Variants in INPP5A observed in about 807,000 individuals in gnomAD.
The protein encoded by INPP5A is inositol polyphosphate-5-phosphatase A.
In INPP5A, 14 loss-of-function variants were observed where a neutral mutation model predicts 65.2. The ratio of observed to expected loss-of-function variants is 0.21; its 90% CI spans 0.14 to 0.34. The LOEUF (loss-of-function observed/expected upper bound fraction) is 0.34, where lower values mean the gene tolerates loss of function less well. INPP5A is among the 10% of genes least tolerant of loss of function. The probability of loss-of-function intolerance (pLI) is 1.00; values close to 1 mark genes in which losing one functional copy is unlikely to be tolerated. For missense variants in INPP5A, 431 were observed against 545.6 expected (o/e 0.79, Z 2.09); for synonymous variants, 207 against 208.3 (o/e 0.99, Z 0.05).
At chr10:132,559,141 C>T (rs947346470) in intron 1 of INPP5A, among the ~76,000 whole-genome samples, 4 of 152,190 alleles carry the variant, frequency 2.6e-5, no homozygotes, top group Non-Finnish European at 4.4e-5. Flanking sequence ...CACACACAGA[C>T]GTGGTGGTGT....
chr10:132,680,732 GC>G (rs1231789286), intron 4 of INPP5A, among the ~76,000 whole-genome samples: 1 of 152,250 alleles, frequency 6.6e-6, no homozygotes, highest in East Asian at 1.9e-4. Context: ...GTGGGCGTGG[GC>G]TTGGCGGGCC....
Position 132,603,012 on chromosome 10 carries a change from C to T in INPP5A, c.76-4903C>T, listed in dbSNP as rs1238047370. ...TCTGAATCTATCTGGAGTTTAGTTT[C>T]TTTGTGGAATAAAGAAAGGATCTAA... On this transcript the variant is annotated intron_variant, in intron 1 of 15. Coordinates refer to ENST00000368594, the MANE Select transcript of INPP5A (RefSeq NM_005539.5). This position sits in a 1 kb window ranked among gnomAD's most constrained non-coding sequence, Gnocchi z 4.2. 1.3e-5 allele frequency among the ~76,000 whole-genome samples: 2 copies of T among 152,126 alleles called. No individual in the cohort carries two copies. Among genetic ancestry groups the T allele is most frequent in the Non-Finnish European group, 2.9e-5 (2 of 68,008 alleles).
rs1000187212 is a variant in INPP5A at position 132,678,388 on chromosome 10, A to G, written c.307-12004A>G. 2.0e-5 allele frequency among the ~76,000 whole-genome samples: 3 copies of G among 152,102 alleles called. No homozygotes were observed. The highest frequency in any genetic ancestry group is 1.3e-4 in the Admixed American group (2 of 15,268). On this transcript the variant is annotated intron_variant, in intron 4 of 15. Coordinates refer to ENST00000368594, the MANE Select transcript of INPP5A (RefSeq NM_005539.5). The surrounding 1 kb of genome is among the most constrained non-coding windows in gnomAD (Gnocchi z 4.1). ...TGACTGTTATTATAACTTTGCTTTG[A>G]TTTATTACTCAATCTGTTAAATTGT... is the stretch of plus-strand genomic sequence containing the variant.
Position 132,637,637 on chromosome 10 carries a change from G to A in INPP5A, c.118-8231G>A, listed in dbSNP as rs779086320. ...GTTTCCTTCCAGTGACTCTCCTGGC[G>A]CCTGCTGTGGCTGTCCTCCTCTGTC... On this transcript the variant is annotated intron_variant, in intron 2 of 15. Transcript: ENST00000368594. The surrounding 1 kb of genome is among the most constrained non-coding windows in gnomAD (Gnocchi z 4.1). Among the ~76,000 whole-genome samples, 7 of 152,050 alleles carry A rather than the reference G, an allele frequency of 4.6e-5. No homozygotes were observed. Among genetic ancestry groups the A allele is most frequent in the Admixed American group, 2.0e-4 (3 of 15,270 alleles).
intron 1 of INPP5A, among the ~76,000 whole-genome samples, chr10:132,580,228 A>C (rs572069450): frequency 6.6e-6 from 1 of 152,110 alleles, no homozygotes; most frequent in African/African-American, 2.4e-5. Context: ...TCTCACGTCA[A>C]ATTGTAACCC....
intron 6 of INPP5A, among the ~76,000 whole-genome samples, chr10:132,701,250 C>G (rs562232409): frequency 3.9e-5 from 6 of 152,134 alleles, no homozygotes; most frequent in Non-Finnish European, 8.8e-5. Flanking sequence ...AAGGATGTAC[C>G]CCCACCCCCA....
At chr10:132,760,513 C>T (rs529343457) in intron 11 of INPP5A, among the ~76,000 whole-genome samples, 32 of 152,368 alleles carry the variant, frequency 2.1e-4, no homozygotes, top group Non-Finnish European at 3.8e-4. Flanking sequence ...TGTGAAAGCT[C>T]TGGGGTCACT....
chr10:132,703,241 C>G (rs891282247), intron 6 of INPP5A, among the ~76,000 whole-genome samples: 1 of 152,124 alleles, frequency 6.6e-6, no homozygotes, highest in Non-Finnish European at 1.5e-5. Flanking sequence ...CTGGCGAGGA[C>G]ATGGATCTGG....
In INPP5A at chr10:132,748,014, C is replaced by T. The variant is rs970479417; in HGVS notation, c.733-1503C>T. ...AAAACGAGCCTTGATCACGCCACTGCGCTCTGGCCTGGATGACAGATCAAG... is the reference window on the plus strand; with the variant it reads ...AAAACGAGCCTTGATCACGCCACTGTGCTCTGGCCTGGATGACAGATCAAG... On this transcript the variant is annotated intron_variant, in intron 9 of 15. Coordinates refer to ENST00000368594, the MANE Select transcript of INPP5A (RefSeq NM_005539.5). 2.6e-5 allele frequency among the ~76,000 whole-genome samples: 4 copies of T among 152,148 alleles called. No individual in the cohort carries two copies. In the East Asian group the frequency reaches 5.8e-4, roughly 22 times the overall value.
intron 1 of INPP5A, among the ~76,000 whole-genome samples, chr10:132,566,896 G>A (rs2071281090): frequency 6.6e-6 from 1 of 152,216 alleles, no homozygotes; most frequent in African/African-American, 2.4e-5. Flanking sequence ...GACGTTACTT[G>A]CAAATATGAT....
intron 2 of INPP5A, among the ~76,000 whole-genome samples, chr10:132,625,950 G>A (rs960619941): frequency 6.6e-6 from 1 of 152,120 alleles, no homozygotes; most frequent in Non-Finnish European, 1.5e-5. Context: ...GATCTTTGGT[G>A]CATGTTTCTT....
chr10:132,701,006 A>G (rs1015306173), intron 6 of INPP5A, among the ~76,000 whole-genome samples: 1 of 152,214 alleles, frequency 6.6e-6, no homozygotes, highest in Non-Finnish European at 1.5e-5. Flanking sequence ...GGTTGCTACC[A>G]TAGATCACAG....
chr10:132,553,207 G>T (rs1488544771), intron 1 of INPP5A, among the ~76,000 whole-genome samples: 10 of 100,610 alleles, frequency 9.9e-5, no homozygotes, highest in Admixed American at 5.3e-4. Context: ...GGGAGGATTG[G>T]TGAACGCCTT....
chr10:132,764,081 A>G (rs764645636), intron 11 of INPP5A, among the ~76,000 whole-genome samples: 2 of 152,200 alleles, frequency 1.3e-5, no homozygotes, highest in Non-Finnish European at 2.9e-5. Flanking sequence ...CTGGAGCTGT[A>G]CCCTCTTAGG....
chr10:132,743,779 C>T (rs1423103423), intron 9 of INPP5A, among the ~76,000 whole-genome samples: 5 of 152,212 alleles, frequency 3.3e-5, no homozygotes, highest in Non-Finnish European at 7.3e-5. Context: ...ACGTTACCCT[C>T]CCAGGAAACC....
chr10:132,769,958 C>T (rs1262845652), intron 12 of INPP5A, among the ~76,000 whole-genome samples: 4 of 152,180 alleles, frequency 2.6e-5, no homozygotes, highest in South Asian at 2.1e-4. Context: ...GAGAATTAAC[C>T]GCCATTAACT....
chr10:132,601,183 A>G (rs2492775), intron 1 of INPP5A, among the ~76,000 whole-genome samples: 37,459 of 152,110 alleles, frequency 0.25, 5,454 homozygotes, highest in East Asian at 0.5. Context: ...TATAATATCC[A>G]TCGTATCCAT....
chr10:132,742,240 C>A (rs1376514490), intron 9 of INPP5A, among the ~76,000 whole-genome samples: 6 of 152,210 alleles, frequency 3.9e-5, no homozygotes, highest in Non-Finnish European at 8.8e-5. Context: ...AGCTCAGAGT[C>A]CCACCCCAAG....
At chr10:132,691,953 T>TGGCAGGCGTGCGGTCCC (rs1845274572) in intron 5 of INPP5A, among the ~76,000 whole-genome samples, 1 of 151,526 alleles carries the variant, frequency 6.6e-6, no homozygotes, top group African/African-American at 2.4e-5. Context: ...CGTGCGGTCC[T>TGGCAGGCGTGCGGTCCC]GGCAGGCGTG....
Sources: allele counts gnomAD v4.1 joint callset (sites outside exome capture counted in the v4.1 genomes callset), GRCh38; gene constraint gnomAD v4.1.1; non-coding constraint Gnocchi (gnomAD v3.1); transcripts MANE v1.5; gene names NCBI Gene and HGNC (gene_info 2026-07-23, HGNC 2026-07-21).